NDRG4: variants seen among roughly 807,000 people sequenced by gnomAD.
NDRG4 encodes the protein NDRG family member 4, also known as protein NDRG4.
NDRG4 carries 38 observed loss-of-function variants against 55.8 expected under a neutral mutation model. The ratio of observed to expected loss-of-function variants is 0.68; its 90% CI spans 0.53 to 0.89. The LOEUF is 0.89. Ranked by LOEUF, NDRG4 falls within the 40% of genes least tolerant of loss-of-function variation. The pLI is 0.00. For missense variants in NDRG4, 455 were observed against 468.6 expected (o/e 0.97, Z 0.27); for synonymous variants, 190 against 182.7 (o/e 1.04, Z -0.32).
At chr16:58,484,146 G>T (rs1437600644) in intron 1 of NDRG4, among the ~76,000 whole-genome samples, 1 of 152,102 alleles carries the variant, frequency 6.6e-6, no homozygotes, top group Non-Finnish European at 1.5e-5. Flanking sequence ...AAGGCAGGTG[G>T]ATCACCTGAG....
At chr16:58,509,416 G>A in intron 13 of NDRG4, 64 bp downstream of exon 13, 1 of 1,567,946 alleles carries the variant, frequency 6.4e-7, no homozygotes, top group Non-Finnish European at 8.7e-7. Flanking sequence ...TGCTGGGGTT[G>A]GGGCTCCTGT....
At chr16:58,482,663 C>CCGTCCCTCCCTTCCTT (rs1567580506) in intron 1 of NDRG4, among the ~76,000 whole-genome samples, 1 of 65,016 alleles carries the variant, frequency 1.5e-5, no homozygotes, top group African/African-American at 3.9e-5. Flanking sequence ...TTCTCTCTTT[C>CCGTCCCTCCCTTCCTT]CATCCCTCCC....
Position 58,501,105 on chromosome 16 carries a change from G to A in NDRG4, c.21+836G>A, listed in dbSNP as rs896908176. The A allele has an allele frequency of 3.9e-5, 48 of 1,224,926 alleles. 1 individual carries two copies. The highest frequency in any genetic ancestry group is 4.7e-5 in the Non-Finnish European group (46 of 981,038). The allele number at this position is 1,224,926 out of a possible 1,614,324, so 75.9% of individuals were successfully genotyped here. A position where few individuals can be genotyped will look rare whatever the true frequency, so the allele number is the denominator to read the frequency against. ...ACCCCGGCCCCATTCTTCCTCAGGA[G>A]GGAGAGGCAGGGGCAGACTCACCCC... On this transcript the variant is annotated intron_variant, in intron 1 of 14. Transcript: ENST00000570248.
chr16:58,470,461 A>G (rs566732633), intron 1 of NDRG4, among the ~76,000 whole-genome samples: 1 of 152,336 alleles, frequency 6.6e-6, no homozygotes, highest in South Asian at 2.1e-4. Flanking sequence ...TGGGCTGAAT[A>G]ATAGCCCCCA....
chr16:58,482,649 T>C (rs1230104149), intron 1 of NDRG4, among the ~76,000 whole-genome samples: 6 of 127,666 alleles, frequency 4.7e-5, no homozygotes, highest in Admixed American at 8.6e-5. Flanking sequence ...CTTCCTTCTC[T>C]CTTTTCTCTC....
rs998759184 is a variant in NDRG4, at chr16:58,513,163, A to G, written c.*1587A>G. On this transcript the variant is annotated 3_prime_UTR_variant, in exon 15 of 15. Transcript: ENST00000570248. ...CAGATGTATCTATAAATATCTATAC[A>G]TTATATGTGTGTGTGTGTGTGTGTG... The G allele has an allele frequency of 7.0e-5, 5 of 71,516 alleles. No individual in the cohort carries two copies. Among genetic ancestry groups the G allele is most frequent in the African/African-American group, 3.3e-4 (5 of 15,134 alleles). 4.4% of individuals were successfully genotyped at this position (71,516 alleles called of 1,614,324 possible). A position where few individuals can be genotyped will look rare whatever the true frequency, so the allele number is the denominator to read the frequency against.
In NDRG4 at chr16:58,504,667, C is replaced by T. The variant is rs749582779; in HGVS notation, c.372+18C>T. ...AGTTTGCAGTGAGTCTCCCCATGCC[C>T]CCATTACCCCAAACACCAGGGCAAG... On this transcript the variant is annotated intron_variant, in intron 5 of 14. Transcript: ENST00000570248. 5 of 1,614,032 alleles carry T rather than the reference C, an allele frequency of 3.1e-6. No homozygotes were observed. Among genetic ancestry groups the T allele is most frequent in the African/African-American group, 1.3e-5 (1 of 74,926 alleles).
chr16:58,492,551 T>TGTGTGTGTGTGTGA (rs1342930103), intron 2 of NDRG4, among the ~76,000 whole-genome samples: 1 of 43,922 alleles, frequency 2.3e-5, no homozygotes, highest in Non-Finnish European at 7.5e-5. Flanking sequence ...TGTGTGTGTG[T>TGTGTGTGTGTGTGA]GAGAGACAGA....
intron 1 of NDRG4, 184 bp from the exon 2 acceptor site, chr16:58,503,613 GC>G: frequency 8.6e-7 from 1 of 1,157,162 alleles, no homozygotes; most frequent in Non-Finnish European, 1.2e-6. Context: ...GTACTGAACA[GC>G]CCTGAGAAGG....
At chr16:58,500,746 CTG>C (rs1287851775) in intron 1 of NDRG4, 1 of 417,326 alleles carries the variant, frequency 2.4e-6, no homozygotes, top group African/African-American at 2.1e-5. Flanking sequence ...CGTGCCGGGT[CTG>C]TGCGTGCAGG....
chr16:58,504,107 G>A (rs1468478777), intron 2 of NDRG4, 47 bp from the exon 3 acceptor site: 2 of 1,609,144 alleles, frequency 1.2e-6, no homozygotes, highest in African/African-American at 1.3e-5. Flanking sequence ...CTTCCTTCCA[G>A]TCCCCCGGCC....
Position 58,509,184 on chromosome 16 carries a change from A to G in NDRG4, c.808A>G (p.Thr270Ala), listed in dbSNP as rs2038441177. 1.2e-6 allele frequency: 2 copies of G among 1,614,034 alleles called. No individual in the cohort carries two copies. The highest frequency in any genetic ancestry group is 4.5e-5 in the East Asian group (2 of 44,870). The change falls in exon 12 of 15, where the codon ACA becomes GCA. Residue 270 changes from threonine to alanine, a missense_variant. Coordinates refer to ENST00000570248, the MANE Select transcript of NDRG4 (RefSeq NM_001242835.2). ...MADSGGLPQV[T>A]QPGKLTEAFK... Reference sequence around the variant, plus strand: ...AGACTCTGGAGGGCTGCCCCAGGTCACACAGGTGAGACTTTTGGCCCTCCT... The same window carrying G: ...AGACTCTGGAGGGCTGCCCCAGGTCGCACAGGTGAGACTTTTGGCCCTCCT...
chr16:58,480,143 C>T (rs1002511763), intron 1 of NDRG4, among the ~76,000 whole-genome samples: 2 of 152,100 alleles, frequency 1.3e-5, no homozygotes, highest in African/African-American at 2.4e-5. Flanking sequence ...GTTTTTGAGA[C>T]GGAGTCTTGC....
At chr16:58,481,745 T>C (rs1284784435) in intron 1 of NDRG4, among the ~76,000 whole-genome samples, 1 of 152,146 alleles carries the variant, frequency 6.6e-6, no homozygotes, top group Non-Finnish European at 1.5e-5. Flanking sequence ...TGCTCCTTCC[T>C]GTGCCTCTTA....
chr16:58,482,709 T>TTCCTCCCTCCC lies in NDRG4; in HGVS notation c.-23-5046_-23-5045insCCTCCCTCCCT, dbSNP rs1567580817. Among the ~76,000 whole-genome samples the TTCCTCCCTCCC allele has an allele frequency of 2.3e-4, 4 of 17,484 alleles. No individual in the cohort carries two copies. The Admixed American group carries it at 3.5e-3, about 15-fold the overall frequency. 11.5% of individuals were successfully genotyped at this position (17,484 alleles called of 152,430 possible). A position where few individuals can be genotyped will look rare whatever the true frequency, so the allele number is the denominator to read the frequency against. On this transcript the variant is annotated intron_variant, in intron 1 of 15. Transcript: ENST00000258187. Reference sequence around the variant, plus strand: ...CCTCCCTTCCTTCCTCCCTCCCTCCTTTCCTTCCTCCCTCCCTCCCTCCCT... The same window carrying TTCCTCCCTCCC: ...CCTCCCTTCCTTCCTCCCTCCCTCCTTCCTCCCTCCCTTCCTTCCTCCCTCCCTCCCTCCCT...
At chr16:58,467,923 TC>T (rs1318622547) in intron 1 of NDRG4, among the ~76,000 whole-genome samples, 4 of 152,318 alleles carry the variant, frequency 2.6e-5, no homozygotes, top group African/African-American at 7.2e-5. Context: ...CCCACTGTGC[TC>T]CAGTTTCCAG....
At chr16:58,470,221 T>A (rs2032511100) in intron 1 of NDRG4, among the ~76,000 whole-genome samples, 1 of 152,188 alleles carries the variant, frequency 6.6e-6, no homozygotes, top group African/African-American at 2.4e-5. Flanking sequence ...AGGCTAATTT[T>A]TTAAAAAAAC....
intron 5 of NDRG4, 49 bp downstream of exon 5, chr16:58,504,698 G>GA (rs1567342813): frequency 1.9e-6 from 3 of 1,608,638 alleles, no homozygotes; most frequent in Non-Finnish European, 2.6e-6. Flanking sequence ...GCAAGCCAGG[G>GA]ATGTCCCAGT....
chr16:58,489,578 C>G (rs2035530150), intron 2 of NDRG4, among the ~76,000 whole-genome samples: 2 of 152,006 alleles, frequency 1.3e-5, no homozygotes, highest in African/African-American at 2.4e-5. Context: ...CCAACATGCT[C>G]TGGCCCTGGC....
Sources: allele counts gnomAD v4.1 joint callset (sites outside exome capture counted in the v4.1 genomes callset), GRCh38; gene constraint gnomAD v4.1.1; transcripts MANE v1.5; gene names NCBI Gene and HGNC (gene_info 2026-07-23, HGNC 2026-07-21).